Variants in TYW1 observed in about 807,000 individuals in gnomAD.
TYW1 encodes the protein tRNA-yW synthesizing protein 1 homolog.
A neutral mutation model predicts 96.2 loss-of-function variants in TYW1; 46 were observed. That is an observed-to-expected ratio of 0.48 (90% CI 0.38 to 0.61). The LOEUF (loss-of-function observed/expected upper bound fraction) is 0.61. TYW1 is among the 20% of genes least tolerant of loss of function. The pLI is 0.00. For missense variants in TYW1, 684 were observed against 909.6 expected (o/e 0.75, Z 3.19); for synonymous variants, 274 against 323.0 (o/e 0.85, Z 1.63).
In TYW1 at chr7:67,117,552, C is replaced by T. The variant is rs766362227; in HGVS notation, c.1632C>T (p.Ile544=). 5 of 1,613,988 alleles carry T rather than the reference C, an allele frequency of 3.1e-6. No homozygotes were observed. The highest frequency in any genetic ancestry group is 2.2e-5 in the East Asian group (1 of 44,868). Residue 544 remains isoleucine, a synonymous_variant, in exon 13 of 16, where the codon ATC becomes ATT. Transcript: ENST00000359626. ...GTACCAAAGACAGCCTGAAGAAAAT[C>T]GACCGCCCACTCTTCAAGGATTTCT... ...DASTKDSLKK[I]DRPLFKDFWQ...
chr7:67,019,213 C>T (rs1053509663), intron 6 of TYW1, among the ~76,000 whole-genome samples: 1 of 152,240 alleles, frequency 6.6e-6, no homozygotes, highest in Admixed American at 6.5e-5. Context: ...GCTCTACAGG[C>T]TCACACCTTC....
chr7:67,215,089 TA>T, intron 15 of TYW1, among the ~76,000 whole-genome samples: 1 of 150,550 alleles, frequency 6.6e-6, no homozygotes, highest in East Asian at 1.9e-4. Flanking sequence ...ATTCCTTTCT[TA>T]AATGTTTGGT....
chr7:67,029,077 C>T (rs1159421792), intron 7 of TYW1, among the ~76,000 whole-genome samples: 3 of 151,582 alleles, frequency 2.0e-5, no homozygotes, highest in Non-Finnish European at 4.4e-5. Context: ...CGGCTCACTG[C>T]AAGCTCTGCC....
chr7:67,079,820 A>C (rs1324927164), intron 10 of TYW1, among the ~76,000 whole-genome samples: 1 of 151,978 alleles, frequency 6.6e-6, no homozygotes, highest in South Asian at 2.1e-4. Flanking sequence ...TACATATTTA[A>C]ATTTTTTTCT....
chr7:67,171,780 A>G (rs776073030), intron 13 of TYW1, among the ~76,000 whole-genome samples: 1 of 151,970 alleles, frequency 6.6e-6, no homozygotes, highest in Non-Finnish European at 1.5e-5. Flanking sequence ...AAGCAACACT[A>G]GTTTTTTTTA....
At chr7:67,173,855 T>C (rs1379926692) in intron 13 of TYW1, among the ~76,000 whole-genome samples, 2 of 140,442 alleles carry the variant, frequency 1.4e-5, no homozygotes, top group African/African-American at 5.6e-5. Context: ...TGGTGTCATA[T>C]GCTTTTTGGC....
rs776221914 is a variant in TYW1, at chr7:67,018,955, C to CA, written c.861+830dup. On this transcript the variant is annotated intron_variant, in intron 6 of 15. Coordinates refer to ENST00000359626, the MANE Select transcript of TYW1 (RefSeq NM_018264.4). ...CGGGCGACAGAGTGAGACTCAGTCTCAAAAAAAAAAAAAAAAAAGAAAAAA... is the reference window on the plus strand; with the variant it reads ...CGGGCGACAGAGTGAGACTCAGTCTCAAAAAAAAAAAAAAAAAAAGAAAAAA... 6.4e-3 allele frequency among the ~76,000 whole-genome samples: 314 copies of CA among 48,694 alleles called. 3 individuals are homozygous for CA. The highest frequency in any genetic ancestry group is 0.02 in the Middle Eastern group (2 of 102). The allele number at this position is 48,694 out of a possible 152,430, so 31.9% of individuals were successfully genotyped here. A position where few individuals can be genotyped will look rare whatever the true frequency, so the allele number is the denominator to read the frequency against.
chr7:67,169,607 G>A (rs1232936327), intron 13 of TYW1, among the ~76,000 whole-genome samples: 1 of 152,126 alleles, frequency 6.6e-6, no homozygotes. Flanking sequence ...CACCATATTG[G>A]CCAGGCTGGT....
rs552611390 is a variant in TYW1, at chr7:67,144,671, G to A, written c.1698+27053G>A. 6.6e-5 allele frequency among the ~76,000 whole-genome samples: 10 copies of A among 152,132 alleles called. No individual in the cohort carries two copies. In the South Asian group the frequency reaches 1.9e-3, roughly 28 times the overall value. ...TTTTTTATAGAGACAGGGTTTCGCC[G>A]TGTTGCCCAGCCTCCTCTAGAGCTC... On this transcript the variant is annotated intron_variant, in intron 13 of 15. Transcript: ENST00000359626.
At chr7:67,027,673 G>C (rs1263377515) in intron 7 of TYW1, among the ~76,000 whole-genome samples, 2 of 152,164 alleles carry the variant, frequency 1.3e-5, no homozygotes, top group African/African-American at 4.8e-5. Flanking sequence ...GCTCACACCT[G>C]TAATTCCAGC....
chr7:67,073,879 G>A (rs1477954220), intron 10 of TYW1, among the ~76,000 whole-genome samples: 6 of 147,834 alleles, frequency 4.1e-5, no homozygotes, highest in Admixed American at 3.4e-4. Flanking sequence ...TCAGGAGATC[G>A]AAACCATCCT....
intron 7 of TYW1, among the ~76,000 whole-genome samples, chr7:67,036,547 G>C (rs958072619): frequency 1.3e-5 from 2 of 152,134 alleles, no homozygotes; most frequent in African/African-American, 4.8e-5. Context: ...AGCTTCACTA[G>C]AGCCAGAGGT....
chr7:67,145,394 C>T (rs1304430271), intron 13 of TYW1, among the ~76,000 whole-genome samples: 2 of 152,072 alleles, frequency 1.3e-5, no homozygotes, highest in African/African-American at 2.4e-5. Flanking sequence ...CTTGATCCAC[C>T]CGCCTCGGCC....
At chr7:67,032,885 CTTTTTTTTTTTTTTT>C (rs778743156) in intron 7 of TYW1, among the ~76,000 whole-genome samples, 12 of 76,256 alleles carry the variant, frequency 1.6e-4, no homozygotes, top group African/African-American at 6.6e-4. Context: ...AGAAGTATAC[CTTTTTTTTTTTTTTT>C]TTTTTTTTTT....
intron 11 of TYW1, among the ~76,000 whole-genome samples, chr7:67,095,277 G>T (rs1427773202): frequency 6.6e-6 from 1 of 152,012 alleles, no homozygotes; most frequent in African/African-American, 2.4e-5. Flanking sequence ...GGGATTACAG[G>T]CATGAGCTGC....
At chr7:67,074,927 G>A (rs1298044775) in intron 10 of TYW1, among the ~76,000 whole-genome samples, 2 of 152,046 alleles carry the variant, frequency 1.3e-5, no homozygotes, top group Non-Finnish European at 2.9e-5. Context: ...CTGTCTCCTG[G>A]GTTCAAGCGA....
rs190438967 is a variant in TYW1, at chr7:67,207,143, G to C, written c.1977+11806G>C. 3.3e-4 allele frequency among the ~76,000 whole-genome samples: 51 copies of C among 152,288 alleles called. 1 individual carries two copies. The highest frequency in any genetic ancestry group is 1.2e-3 in the Admixed American group (19 of 15,294). ...CTTTGAGACTACTTCTGTCAGATCT[G>C]TATGTACATATACCAAGCATGCCTC... On this transcript the variant is annotated intron_variant, in intron 15 of 15. Transcript: ENST00000359626.
At chr7:67,083,712 C>T (rs1372131470) in intron 11 of TYW1, among the ~76,000 whole-genome samples, 173 bp downstream of exon 11, 1 of 152,102 alleles carries the variant, frequency 6.6e-6, no homozygotes, top group African/African-American at 2.4e-5. Flanking sequence ...CTTTTACGTC[C>T]CATATGATGG....
At chr7:67,190,540 G>A (rs1230606832) in intron 14 of TYW1, among the ~76,000 whole-genome samples, 1 of 152,220 alleles carries the variant, frequency 6.6e-6, no homozygotes, top group East Asian at 1.9e-4. Context: ...GGAGGTTAAA[G>A]AAATGATGGG....
Sources: allele counts gnomAD v4.1 joint callset (sites outside exome capture counted in the v4.1 genomes callset), GRCh38; gene constraint gnomAD v4.1.1; transcripts MANE v1.5; gene names NCBI Gene and HGNC (gene_info 2026-07-23, HGNC 2026-07-21).